PTGER3: variants seen among roughly 807,000 people sequenced by gnomAD.
The protein encoded by PTGER3 is prostaglandin E2 receptor EP3 subtype.
Under a neutral mutation model 34.7 loss-of-function variants are expected in PTGER3, and 22 were observed. That is an observed-to-expected ratio of 0.63 (90% CI 0.45 to 0.91). PTGER3 has a LOEUF of 0.91. Ranked by LOEUF, PTGER3 falls within the 40% of genes least tolerant of loss-of-function variation. PTGER3 has a pLI of 0.00. For missense variants in PTGER3, 468 were observed against 519.4 expected, an observed-to-expected ratio of 0.90 and a Z score of 0.96; for synonymous variants, 241 against 230.1, an observed-to-expected ratio of 1.05 and a Z score of -0.43.
chr1:71,047,110 CG>C lies in PTGER3; in HGVS notation c.467del (p.Ala156GlyfsTer14). On this transcript the variant is annotated frameshift_variant, in exon 1 of 4. Transcript: ENST00000306666. LOFTEE classifies it high-confidence loss of function. ...ACCAGTGCGGCGCCCTGATGGCCAG[CG>C]CCCGCTCGACGGCCATGGCGCTGGC... ...FIASAMAVER[A>X]LAIRAPHWYA... The C allele has an allele frequency of 6.2e-7, 1 of 1,604,454 alleles. No homozygotes were observed. The highest frequency in any genetic ancestry group is 8.5e-7 in the Non-Finnish European group (1 of 1,175,966).
intron 4 of PTGER3, among the ~76,000 whole-genome samples, chr1:70,863,844 G>A (rs570612875): frequency 6.6e-6 from 1 of 152,094 alleles, no homozygotes; most frequent in African/African-American, 2.4e-5. Context: ...TGAGTATATG[G>A]TAGATGATTT....
rs1660868531 is a variant in PTGER3 at position 71,046,814 on chromosome 1, G to T, written c.764C>A (p.Ala255Asp). 1 of 1,614,008 alleles carries T rather than the reference G, an allele frequency of 6.2e-7. No homozygotes were observed. The highest frequency in any genetic ancestry group is 1.7e-5 in the Admixed American group (1 of 60,014). The change falls in exon 1 of 4, where the codon GCC (alanine) becomes GAC (aspartate). Residue 255 changes from alanine to aspartate, a missense_variant. Coordinates refer to ENST00000306666, the MANE Select transcript of PTGER3 (RefSeq NM_198719.2). ...CTTGGCCCGGCAGCGGGACACCAGG[G>T]CCTTAATGGTGGCCAGGTTGCAGGA... ...TFSCNLATIK[A>D]LVSRCRAKAT... is the part of the protein sequence containing the mutation.
chr1:70,957,335 G>A (rs555236055), intron 2 of PTGER3, among the ~76,000 whole-genome samples: 7 of 152,224 alleles, frequency 4.6e-5, no homozygotes, highest in South Asian at 4.1e-4. Flanking sequence ...AGTTGATAAC[G>A]TAACTGCAGG....
chr1:70,960,567 C>A (rs1446078026), intron 2 of PTGER3, among the ~76,000 whole-genome samples: 1 of 152,018 alleles, frequency 6.6e-6, no homozygotes, highest in African/African-American at 2.4e-5. Flanking sequence ...ACACATTTGA[C>A]AGAAATATGA....
chr1:70,922,477 C>G (rs1332987540), intron 4 of PTGER3, among the ~76,000 whole-genome samples: 2 of 152,134 alleles, frequency 1.3e-5, no homozygotes, highest in Non-Finnish European at 2.9e-5. Flanking sequence ...AATTTCCTTG[C>G]TTTACAGCTA....
intron 4 of PTGER3, among the ~76,000 whole-genome samples, chr1:70,912,712 T>C (rs2100399309): frequency 6.6e-6 from 1 of 152,214 alleles, no homozygotes; most frequent in Non-Finnish European, 1.5e-5. Flanking sequence ...TTTTATTTTC[T>C]AGCCTTTATA....
rs1654577541 is a variant in PTGER3, at chr1:70,983,320, T to C, written c.1078-8932A>G. On this transcript the variant is annotated intron_variant, in intron 2 of 3. Coordinates refer to ENST00000306666, the MANE Select transcript of PTGER3 (RefSeq NM_198719.2). ...CAACGGAACTTTCTATGGCTAGAAT[T>C]GGGGATATTTGGAAACATCCAGAGT... is the stretch of plus-strand genomic sequence containing the variant. Among the ~76,000 whole-genome samples, 5 of 151,906 alleles carry C rather than the reference T, an allele frequency of 3.3e-5. 1 individual carries two copies. In the South Asian group the frequency reaches 1.0e-3, roughly 32 times the overall value.
chr1:71,043,213 T>C (rs1463193188), intron 1 of PTGER3, among the ~76,000 whole-genome samples: 2 of 152,206 alleles, frequency 1.3e-5, no homozygotes, highest in Non-Finnish European at 2.9e-5. Flanking sequence ...CATTGCTGGA[T>C]GAACTGGCTG....
At chr1:70,881,793 C>T (rs1646396331) in intron 4 of PTGER3, among the ~76,000 whole-genome samples, 1 of 152,150 alleles carries the variant, frequency 6.6e-6, no homozygotes, top group South Asian at 2.1e-4. Flanking sequence ...AGCAGACAAG[C>T]CATTTCCTTG....
chr1:70,982,125 T>C (rs1248243418), intron 2 of PTGER3, among the ~76,000 whole-genome samples: 1 of 152,182 alleles, frequency 6.6e-6, no homozygotes, highest in African/African-American at 2.4e-5. Context: ...GGAAAAGGCC[T>C]GTGAAATTGA....
chr1:70,981,500 C>A (rs1005020752), intron 2 of PTGER3, among the ~76,000 whole-genome samples: 1 of 151,448 alleles, frequency 6.6e-6, no homozygotes, highest in East Asian at 1.9e-4. Flanking sequence ...TACAACCTGA[C>A]ATCCTGGGCT....
At chr1:71,002,161 G>C (rs1656552822) in intron 2 of PTGER3, 1 of 152,162 alleles carries the variant, frequency 6.6e-6, no homozygotes, top group South Asian at 2.1e-4. Context: ...CACTGGGGAG[G>C]CTGAGGTGGG....
intron 4 of PTGER3, among the ~76,000 whole-genome samples, chr1:70,855,052 C>A (rs573829154): frequency 1.3e-5 from 2 of 152,056 alleles, no homozygotes; most frequent in Admixed American, 6.6e-5. Flanking sequence ...ATTCTCAATA[C>A]CAAGAGGTGA....
At chr1:71,042,479 A>G (rs1161835429) in intron 1 of PTGER3, among the ~76,000 whole-genome samples, 2 of 152,092 alleles carry the variant, frequency 1.3e-5, no homozygotes, top group Non-Finnish European at 2.9e-5. Flanking sequence ...TGAACAGATT[A>G]TAACATTAAT....
chr1:70,965,630 A>C (rs1406653350), intron 2 of PTGER3, among the ~76,000 whole-genome samples: 1 of 152,126 alleles, frequency 6.6e-6, no homozygotes, highest in African/African-American at 2.4e-5. Context: ...CCTATGTCTT[A>C]TTCTTTACCA....
rs527246261 is a variant in PTGER3, at chr1:70,888,775, G to A, written c.*24-35916C>T. On this transcript the variant is annotated intron_variant, in intron 4 of 4. Transcript: ENST00000370931. ...GGGATTTTTTTTTTCTGATGGAAAAGACTGTGGGGCATAAGATGTAGTTGT... is the reference window on the plus strand; with the variant it reads ...GGGATTTTTTTTTTCTGATGGAAAAAACTGTGGGGCATAAGATGTAGTTGT... Among the ~76,000 whole-genome samples, 4 of 152,124 alleles carry A rather than the reference G, an allele frequency of 2.6e-5. No individual in the cohort carries two copies. In the East Asian group the frequency reaches 5.8e-4, roughly 22 times the overall value.
At chr1:70,883,390 T>G (rs1053372728) in intron 4 of PTGER3, among the ~76,000 whole-genome samples, 4 of 152,252 alleles carry the variant, frequency 2.6e-5, no homozygotes, top group African/African-American at 9.6e-5. Flanking sequence ...ATTAAATTCC[T>G]TAAATATTTA....
chr1:70,976,520 T>C (rs1653719767), intron 2 of PTGER3, among the ~76,000 whole-genome samples: 1 of 152,124 alleles, frequency 6.6e-6, no homozygotes, highest in African/African-American at 2.4e-5. Context: ...TTTTAAAAAA[T>C]TGCTGTATAT....
intron 4 of PTGER3, among the ~76,000 whole-genome samples, chr1:70,913,783 A>T (rs1046526998): frequency 6.6e-6 from 1 of 151,756 alleles, no homozygotes; most frequent in African/African-American, 2.4e-5. Context: ...AAGTACCTTG[A>T]TTTTTGAATG....
Sources: allele counts gnomAD v4.1 joint callset (sites outside exome capture counted in the v4.1 genomes callset), GRCh38; gene constraint gnomAD v4.1.1; transcripts MANE v1.5; gene names NCBI Gene and HGNC (gene_info 2026-07-23, HGNC 2026-07-21).